Variants in ATP10A observed in about 807,000 individuals in gnomAD.
The protein encoded by ATP10A is phospholipid-transporting ATPase VA.
In ATP10A, 111 loss-of-function variants were observed where a neutral mutation model predicts 147.8. That is an observed-to-expected ratio of 0.75 (90% confidence interval 0.64 to 0.88). ATP10A has a LOEUF of 0.88. Ranked by LOEUF, ATP10A falls within the 40% of genes least tolerant of loss-of-function variation. The pLI is 0.00. For missense variants in ATP10A, 1,927 were observed against 1,959.0 expected, an observed-to-expected ratio of 0.98 and a Z score of 0.31; for synonymous variants, 875 against 841.6, an observed-to-expected ratio of 1.04 and a Z score of -0.69.
rs77620334 is a variant in ATP10A at position 25,859,646 on chromosome 15, G to C, written c.449+3002C>G. Reference sequence around the variant, plus strand: ...TCAAGAGGGTTTTCCTAAATAGCGTGTGAAATCCATTAGGAGAAAATGGGT... The same window carrying C: ...TCAAGAGGGTTTTCCTAAATAGCGTCTGAAATCCATTAGGAGAAAATGGGT... On this transcript the variant is annotated intron_variant, in intron 1 of 20. Transcript: ENST00000555815. Among the ~76,000 whole-genome samples, 1,105 of 152,088 alleles carry C rather than the reference G, an allele frequency of 7.3e-3. 17 individuals carry two copies. Among genetic ancestry groups the C allele is most frequent in the African/African-American group, 0.026 (1,058 of 41,444 alleles).
Position 25,726,044 on chromosome 15 carries a change from G to C in ATP10A, c.886C>G (p.Arg296Gly), listed in dbSNP as rs147326935. 4.8e-4 allele frequency: 779 copies of C among 1,613,922 alleles called. No homozygotes were observed. The highest frequency in any genetic ancestry group is 6.4e-4 in the Non-Finnish European group (750 of 1,179,972). The stretch of plus-strand genomic sequence containing the variant: ...CTCTCCAGCTTGCTGCGCTTGTAGC[G>C]GGGCCCACTGTTGTTCAGCAGAGCC... The part of the protein sequence containing the change: ...TKALLNNSGP[R>G]YKRSKLERQM... Residue 296 changes from arginine (R) to glycine (G), a missense_variant, in exon 5 of 21, where the codon CGC (arginine) becomes GGC (glycine). By Grantham distance (125) the Arg-to-Gly change is moderately radical (BLOSUM62 -2). Coordinates refer to ENST00000555815, the MANE Select transcript of ATP10A (RefSeq NM_024490.4).
At chr15:25,724,295 G>A (rs746196388) in intron 5 of ATP10A, among the ~76,000 whole-genome samples, 8 of 152,136 alleles carry the variant, frequency 5.3e-5, no homozygotes, top group African/African-American at 1.9e-4. Context: ...AGAGCTACCC[G>A]CGTGTTGGCA....
intron 2 of ATP10A, among the ~76,000 whole-genome samples, chr15:25,752,949 C>T (rs540808593): frequency 1.1e-4 from 16 of 151,650 alleles, no homozygotes; most frequent in South Asian, 6.3e-4. Context: ...TTTTATTTTG[C>T]GATTTTTGTT....
At chr15:25,773,591 T>A (rs1889450209) in intron 2 of ATP10A, among the ~76,000 whole-genome samples, 1 of 152,096 alleles carries the variant, frequency 6.6e-6, no homozygotes, top group African/African-American at 2.4e-5. Context: ...TAGGGAGCAC[T>A]CTCTTGCAGA....
intron 13 of ATP10A, among the ~76,000 whole-genome samples, chr15:25,698,040 G>C (rs953002822): frequency 6.6e-6 from 1 of 151,794 alleles, no homozygotes; most frequent in East Asian, 1.9e-4. Flanking sequence ...CAGCCAAGAA[G>C]AGTGTAAGGA....
At position 25,718,217 on chromosome 15, in the gene ATP10A, T is replaced by C. The variant is rs746782798; in HGVS notation, c.1546A>G (p.Met516Val). ...GSRAEAKRAS[M>V]LSKHTAFSSP... is the part of the protein sequence containing the mutation. ...CTGAAGGCCGTGTGCTTGGACAGCATGCTGGCCCTCTTGGCCTCGGCCCGG... is the reference window on the plus strand; with the variant it reads ...CTGAAGGCCGTGTGCTTGGACAGCACGCTGGCCCTCTTGGCCTCGGCCCGG... Residue 516 changes from methionine to valine, a missense_variant, in exon 8 of 21, where the codon ATG becomes GTG. Coordinates refer to ENST00000555815, the MANE Select transcript of ATP10A (RefSeq NM_024490.4). The C allele has an allele frequency of 1.2e-6, 2 of 1,613,148 alleles. No individual in the cohort carries two copies. Among genetic ancestry groups the C allele is most frequent in the Non-Finnish European group, 1.7e-6 (2 of 1,180,000 alleles).
At chr15:25,721,188 A>C (rs1027149028) in intron 7 of ATP10A, among the ~76,000 whole-genome samples, 2 of 152,172 alleles carry the variant, frequency 1.3e-5, no homozygotes, top group African/African-American at 4.8e-5. Context: ...AATAATTGGG[A>C]GTGAGGCGAT....
intron 2 of ATP10A, among the ~76,000 whole-genome samples, chr15:25,764,257 T>C (rs925904038): frequency 6.6e-6 from 1 of 152,154 alleles, no homozygotes; most frequent in Non-Finnish European, 1.5e-5. Flanking sequence ...CAACCTAAGG[T>C]GCACCGTGCA....
chr15:25,701,900 C>G lies in ATP10A; in HGVS notation c.2760+16G>C, dbSNP rs1234328464. 6.3e-7 allele frequency: 1 copy of G among 1,581,886 alleles called. No homozygotes were observed. Among genetic ancestry groups the G allele is most frequent in the Non-Finnish European group, 8.6e-7 (1 of 1,163,034 alleles). On this transcript the variant is annotated intron_variant, in intron 13 of 20. Coordinates refer to ENST00000555815, the MANE Select transcript of ATP10A (RefSeq NM_024490.4). ...ACCCCAGGGGAAGGAAGCGGAGCCA[C>G]TTGAAACCCACCTACCTGGGAGGTG...
intron 2 of ATP10A, among the ~76,000 whole-genome samples, chr15:25,749,918 T>C (rs9920157): frequency 0.35 from 52,898 of 151,780 alleles, 9,567 homozygotes; most frequent in Non-Finnish European, 0.4. Flanking sequence ...TAACCAAAAC[T>C]ATCCAAACGG....
intron 16 of ATP10A, 67 bp from the exon 17 acceptor site, chr15:25,683,553 G>A: frequency 1.4e-6 from 2 of 1,457,204 alleles, no homozygotes; most frequent in Non-Finnish European, 1.9e-6. Context: ...TCTCATCCGA[G>A]GGAGCTGACA....
intron 1 of ATP10A, among the ~76,000 whole-genome samples, chr15:25,827,380 A>C (rs1000247460): frequency 2.6e-5 from 4 of 152,228 alleles, no homozygotes; most frequent in African/African-American, 7.2e-5. Flanking sequence ...ATGCAAAGGT[A>C]GTTTTTCTTT....
intron 8 of ATP10A, among the ~76,000 whole-genome samples, chr15:25,717,973 A>C (rs1410742748): frequency 6.6e-6 from 1 of 152,206 alleles, no homozygotes; most frequent in Non-Finnish European, 1.5e-5. Flanking sequence ...AACCAGCCTT[A>C]GAAGCCATGC....
At chr15:25,812,802 T>C (rs931778640) in intron 1 of ATP10A, among the ~76,000 whole-genome samples, 10 of 152,200 alleles carry the variant, frequency 6.6e-5, no homozygotes, top group African/African-American at 2.4e-4. Flanking sequence ...CAAAGTGTGA[T>C]TTCACTTTGA....
chr15:25,801,869 G>A (rs1413582423), intron 1 of ATP10A, among the ~76,000 whole-genome samples: 3 of 152,104 alleles, frequency 2.0e-5, no homozygotes, highest in Admixed American at 6.6e-5. Flanking sequence ...TTGCTGACTC[G>A]TTACATGGAT....
At chr15:25,691,693 GA>G in intron 15 of ATP10A, 21 bp downstream of exon 15, 9 of 1,613,650 alleles carry the variant, frequency 5.6e-6, no homozygotes, top group Non-Finnish European at 7.6e-6. Flanking sequence ...TGGTCACACA[GA>G]ATAGCCTGAT....
chr15:25,828,044 T>C (rs867096974), intron 1 of ATP10A, among the ~76,000 whole-genome samples: 2 of 151,890 alleles, frequency 1.3e-5, no homozygotes, highest in Non-Finnish European at 2.9e-5. Context: ...AAAAAAATGA[T>C]AGTACAAATC....
intron 2 of ATP10A, among the ~76,000 whole-genome samples, chr15:25,772,285 A>C (rs1889377833): frequency 6.6e-6 from 1 of 152,002 alleles, no homozygotes; most frequent in Non-Finnish European, 1.5e-5. Flanking sequence ...CTCTCCTCCG[A>C]ACGTCCCCCA....
At position 25,781,232 on chromosome 15, in the gene ATP10A, C is replaced by G. The variant is rs1262982538; in HGVS notation, c.450-9G>C. On this transcript the variant is annotated splice_polypyrimidine_tract_variant and intron_variant, in intron 1 of 20. Transcript: ENST00000555815. Reference sequence around the variant, plus strand: ...CGTATTTCTTTTCTTCCCTAGAAAACAGATTTTGATTAACAAAACTCACGA... The same window carrying G: ...CGTATTTCTTTTCTTCCCTAGAAAAGAGATTTTGATTAACAAAACTCACGA... 6.2e-7 allele frequency: 1 copy of G among 1,606,830 alleles called. No individual in the cohort carries two copies. Among genetic ancestry groups the G allele is most frequent in the Admixed American group, 1.7e-5 (1 of 58,820 alleles).
Sources: gnomAD v4.1 joint callset for allele counts (sites outside exome capture counted in the v4.1 genomes callset) on GRCh38, gnomAD v4.1.1 for gene constraint, MANE v1.5 for transcripts, NCBI Gene and HGNC (gene_info 2026-07-23, HGNC 2026-07-21) for gene names.